Variants in TBC1D5 observed in about 807,000 individuals in gnomAD.
The protein encoded by TBC1D5 is TBC1 domain family, member 5.
TBC1D5 carries 75 observed loss-of-function variants against 100.3 expected under a neutral mutation model. That is an observed-to-expected ratio of 0.75 (90% CI 0.62 to 0.91). The LOEUF is 0.91. TBC1D5 is among the 40% of genes least tolerant of loss of function. The probability of loss-of-function intolerance (pLI) is 0.00; values close to 1 mark genes in which losing one functional copy is unlikely to be tolerated. For missense variants in TBC1D5, 910 were observed against 942.4 expected (o/e 0.97, Z 0.45); for synonymous variants, 323 against 325.6 (o/e 0.99, Z 0.09).
At chr3:17,672,538 C>T (rs1018696260) in intron 1 of TBC1D5, 3 of 152,132 alleles carry the variant, frequency 2.0e-5, no homozygotes, top group African/African-American at 4.8e-5. Flanking sequence ...AACTAGAAAA[C>T]ACCTACTTTT....
At chr3:17,168,892 C>A (rs569081940) in intron 19 of TBC1D5, among the ~76,000 whole-genome samples, 2 of 152,148 alleles carry the variant, frequency 1.3e-5, no homozygotes, top group African/African-American at 4.8e-5. Flanking sequence ...ATGCTTGGCC[C>A]CGTACAGCTA....
chr3:17,562,385 G>C lies in TBC1D5; in HGVS notation c.-35-53780C>G, dbSNP rs2096564890. Among the ~76,000 whole-genome samples, 3 of 151,562 alleles carry C rather than the reference G, an allele frequency of 2.0e-5. No individual in the cohort carries two copies. The South Asian group carries it at 6.2e-4, about 32-fold the overall frequency. ...ACCCAACCCAATAGGTCAAGTAAAA[G>C]AAATTAGAAGTATAAATTTTAAAAG... On this transcript the variant is annotated intron_variant, in intron 2 of 21. Transcript: ENST00000253692.
intron 2 of TBC1D5, among the ~76,000 whole-genome samples, chr3:17,605,344 C>T (rs979456647): frequency 6.6e-6 from 1 of 152,148 alleles, no homozygotes; most frequent in Admixed American, 6.5e-5. Context: ...AGACCATATA[C>T]ATCAGAAAAC....
intron 1 of TBC1D5, among the ~76,000 whole-genome samples, chr3:17,689,906 C>G (rs1031841507): frequency 7.2e-5 from 11 of 152,118 alleles, no homozygotes; most frequent in South Asian, 2.1e-4. Flanking sequence ...CCCCTCCCCC[C>G]CAAAAAATCA....
At chr3:17,420,460 G>C (rs2094181753) in intron 4 of TBC1D5, among the ~76,000 whole-genome samples, 1 of 151,876 alleles carries the variant, frequency 6.6e-6, no homozygotes, top group South Asian at 2.1e-4. Flanking sequence ...GTATTATATA[G>C]AGCTACTATA....
intron 13 of TBC1D5, among the ~76,000 whole-genome samples, chr3:17,314,599 C>T (rs1258668436): frequency 2.6e-5 from 4 of 152,148 alleles, no homozygotes; most frequent in Non-Finnish European, 4.4e-5. Flanking sequence ...AGTACCACCA[C>T]CTGGCAGCTT....
chr3:17,563,261 G>A (rs1417211160), intron 2 of TBC1D5, among the ~76,000 whole-genome samples: 3 of 152,104 alleles, frequency 2.0e-5, no homozygotes, highest in South Asian at 4.1e-4. Context: ...CAAGAAAAGC[G>A]ACATCAAATA....
intron 1 of TBC1D5, among the ~76,000 whole-genome samples, chr3:17,697,256 G>A (rs902271157): frequency 6.6e-6 from 1 of 152,196 alleles, no homozygotes; most frequent in African/African-American, 2.4e-5. Flanking sequence ...TCTGGCCAGG[G>A]CAATCAGGCA....
At chr3:17,550,545 C>CA (rs1476568166) in intron 2 of TBC1D5, among the ~76,000 whole-genome samples, 3 of 148,834 alleles carry the variant, frequency 2.0e-5, no homozygotes, top group African/African-American at 7.5e-5. Context: ...ACAACAACAA[C>CA]AACAAAAAAA....
intron 8 of TBC1D5, among the ~76,000 whole-genome samples, chr3:17,391,967 G>C (rs2093363202): frequency 6.6e-6 from 1 of 152,082 alleles, no homozygotes; most frequent in South Asian, 2.1e-4. Flanking sequence ...TAAACATAAA[G>C]GTGCTAGAAC....
At chr3:17,564,607 C>CT (rs1239281640) in intron 2 of TBC1D5, among the ~76,000 whole-genome samples, 2 of 152,186 alleles carry the variant, frequency 1.3e-5, no homozygotes, top group Non-Finnish European at 2.9e-5. Flanking sequence ...AGGCAAGGAA[C>CT]TTCTAATATA....
intron 4 of TBC1D5, among the ~76,000 whole-genome samples, chr3:17,426,348 C>A (rs2094335257): frequency 6.6e-6 from 1 of 152,054 alleles, no homozygotes; most frequent in Non-Finnish European, 1.5e-5. Context: ...CTACACTTAA[C>A]CCAAGTGTCA....
chr3:17,706,200 A>C (rs2074138330), intron 1 of TBC1D5: 2 of 1,552,484 alleles, frequency 1.3e-6, no homozygotes, highest in East Asian at 4.9e-5. Flanking sequence ...CTTCTCCGGC[A>C]TCGCGGCGAG....
chr3:17,659,215 C>T (rs577842787), intron 1 of TBC1D5, among the ~76,000 whole-genome samples: 2 of 152,214 alleles, frequency 1.3e-5, no homozygotes, highest in Admixed American at 6.5e-5. Flanking sequence ...AAAAATAGAA[C>T]GAGTGGATTT....
chr3:17,678,540 C>T (rs2068949748), intron 1 of TBC1D5, among the ~76,000 whole-genome samples: 1 of 151,732 alleles, frequency 6.6e-6, no homozygotes, highest in Non-Finnish European at 1.5e-5. Flanking sequence ...CATAACAGAA[C>T]ACATCAGAAA....
chr3:17,690,778 C>A (rs1036329559), intron 1 of TBC1D5, among the ~76,000 whole-genome samples: 2 of 152,128 alleles, frequency 1.3e-5, no homozygotes, highest in Admixed American at 6.5e-5. Context: ...CATCCGAAAA[C>A]CATATCTCCA....
intron 2 of TBC1D5, among the ~76,000 whole-genome samples, chr3:17,541,722 T>C (rs969878236): frequency 7.2e-5 from 11 of 152,210 alleles, no homozygotes; most frequent in Non-Finnish European, 1.6e-4. Context: ...CATTACTATG[T>C]TGAACAGAAA....
chr3:17,611,964 T>C (rs2061701546), intron 2 of TBC1D5, among the ~76,000 whole-genome samples: 1 of 152,140 alleles, frequency 6.6e-6, no homozygotes, highest in South Asian at 2.1e-4. Flanking sequence ...ATATTATTTG[T>C]TGATGAAATT....
exon 1 of TBC1D5, chr3:17,739,829 A>AC (rs2077258916): frequency 6.6e-6 from 1 of 151,292 alleles, no homozygotes; most frequent in South Asian, 2.1e-4. Flanking sequence ...ATATAGTGAA[A>AC]CCCCGTCTCT....
Sources: gnomAD v4.1 joint callset for allele counts (sites outside exome capture counted in the v4.1 genomes callset) on GRCh38, gnomAD v4.1.1 for gene constraint, MANE v1.5 for transcripts, NCBI Gene and HGNC (gene_info 2026-07-23, HGNC 2026-07-21) for gene names.